Variants in ATL2 observed in about 807,000 individuals in gnomAD.
ATL2 encodes the protein atlastin-2.
ATL2 carries 31 observed loss-of-function variants against 73.9 expected under a neutral mutation model. The ratio of observed to expected loss-of-function variants is 0.42; its 90% CI spans 0.32 to 0.57. The LOEUF is 0.57. ATL2 is among the 20% of genes least tolerant of loss of function. The pLI, the probability that ATL2 is intolerant of heterozygous loss-of-function variation, is 0.14. For synonymous variants in ATL2, 291 were observed against 237.5 expected, an observed-to-expected ratio of 1.23 and a Z score of -2.07; for missense variants, 738 against 702.6, an observed-to-expected ratio of 1.05 and a Z score of -0.57.
At chr2:38,333,471 A>G (rs1031541790) in intron 2 of ATL2, among the ~76,000 whole-genome samples, 1 of 152,204 alleles carries the variant, frequency 6.6e-6, no homozygotes, top group African/African-American at 2.4e-5. Flanking sequence ...AAATGTTCTA[A>G]AACTGGTGGT....
At chr2:38,308,217 T>C (rs1048599272) in intron 9 of ATL2, among the ~76,000 whole-genome samples, 1 of 152,218 alleles carries the variant, frequency 6.6e-6, no homozygotes, top group African/African-American at 2.4e-5. Context: ...TCTATCAATA[T>C]ACGAATGGAT....
intron 5 of ATL2, 130 bp downstream of exon 5, chr2:38,315,154 G>A (rs1667960928): frequency 2.2e-6 from 2 of 927,074 alleles, no homozygotes; most frequent in Non-Finnish European, 2.9e-6. Context: ...GGGAGGCTGA[G>A]GCAGGAGAAT....
At chr2:38,370,677 G>C (rs1052860420) in intron 1 of ATL2, among the ~76,000 whole-genome samples, 11 of 151,962 alleles carry the variant, frequency 7.2e-5, no homozygotes, top group African/African-American at 2.7e-4. Context: ...TGGGGCAGAA[G>C]AATCTCTTGA....
chr2:38,329,423 C>CAAAAAA (rs70954711), intron 2 of ATL2, among the ~76,000 whole-genome samples: 26 of 13,668 alleles, frequency 1.9e-3, no homozygotes, highest in African/African-American at 3.7e-3. Flanking sequence ...ACTCCATCTC[C>CAAAAAA]AAAAAAAAAA....
At chr2:38,321,545 G>C (rs551972489) in intron 2 of ATL2, among the ~76,000 whole-genome samples, 1 of 151,990 alleles carries the variant, frequency 6.6e-6, no homozygotes, top group African/African-American at 2.4e-5. Flanking sequence ...ACTTCATATT[G>C]GTCTCTATGC....
intron 2 of ATL2, among the ~76,000 whole-genome samples, chr2:38,339,115 C>G (rs1405634475): frequency 6.6e-6 from 1 of 152,102 alleles, no homozygotes; most frequent in African/African-American, 2.4e-5. Flanking sequence ...ACTCAGGAGG[C>G]TGAGGCGAGA....
At position 38,332,476 on chromosome 2, in the gene ATL2, G is replaced by A. The variant is rs374796561; in HGVS notation, c.363+10792C>T. Among the ~76,000 whole-genome samples the A allele has an allele frequency of 1.4e-4, 22 of 152,216 alleles. No individual in the cohort carries two copies. In the East Asian group the frequency reaches 4.1e-3, roughly 28 times the overall value. The stretch of plus-strand genomic sequence containing the variant: ...CCACCTCGGCCTCCCAGAGTTCTGG[G>A]ATTACAGGCACGAGCCACCATGCCC... On this transcript the variant is annotated intron_variant, in intron 2 of 12. Transcript: ENST00000378954.
chr2:38,331,251 G>T (rs531732002), intron 2 of ATL2, among the ~76,000 whole-genome samples: 1 of 151,832 alleles, frequency 6.6e-6, no homozygotes, highest in Non-Finnish European at 1.5e-5. Context: ...TGGCCAACTC[G>T]ATGGTAAAAC....
At chr2:38,376,143 GC>G in intron 1 of ATL2, 3 of 1,530,728 alleles carry the variant, frequency 2.0e-6, no homozygotes, top group Middle Eastern at 1.7e-4. Context: ...CTATTTATAA[GC>G]CTTTGAAAAA....
intron 1 of ATL2, among the ~76,000 whole-genome samples, chr2:38,350,983 TTAA>T (rs1472456195): frequency 6.6e-6 from 1 of 152,170 alleles, no homozygotes; most frequent in Non-Finnish European, 1.5e-5. Context: ...AAATGTAGCA[TTAA>T]TGTTAGATTA....
At chr2:38,297,179 T>A (rs907075279) in intron 12 of ATL2, among the ~76,000 whole-genome samples, 4 of 152,264 alleles carry the variant, frequency 2.6e-5, no homozygotes, top group South Asian at 2.1e-4. Flanking sequence ...TAAAATAACA[T>A]CATTACAAGA....
At position 38,339,213 on chromosome 2, in the gene ATL2, T is replaced by C. The variant is rs140560640; in HGVS notation, c.363+4055A>G. Among the ~76,000 whole-genome samples the C allele has an allele frequency of 2.9e-3, 442 of 151,324 alleles. 1 individual carries two copies. The highest frequency in any genetic ancestry group is 4.7e-3 in the Non-Finnish European group (320 of 67,854). ...CCTGGGCAACGAGGGAAACTACGTC[T>C]CAAAAAAAAGTCAAGATCATGAAAA... is the stretch of plus-strand genomic sequence containing the variant. On this transcript the variant is annotated intron_variant, in intron 2 of 12. Transcript: ENST00000378954.
intron 2 of ATL2, among the ~76,000 whole-genome samples, chr2:38,337,435 G>A (rs1055724019): frequency 1.7e-5 from 2 of 120,368 alleles, no homozygotes; most frequent in Non-Finnish European, 3.2e-5. Context: ...GCAGTGAGCT[G>A]AGATCACATC....
chr2:38,313,124 TCTC>T (rs1194618051), intron 7 of ATL2, 24 bp downstream of exon 7: 65 of 1,537,160 alleles, frequency 4.2e-5, no homozygotes, highest in Non-Finnish European at 5.7e-5. Context: ...GTGCTTATGT[TCTC>T]CTCTTTAAGC....
intron 5 of ATL2, among the ~76,000 whole-genome samples, chr2:38,314,899 G>A (rs1380328499): frequency 6.6e-6 from 1 of 152,208 alleles, no homozygotes; most frequent in Non-Finnish European, 1.5e-5. Context: ...GCTTCCAAGT[G>A]TAAATTCATA....
chr2:38,308,160 T>C (rs1667555297), intron 9 of ATL2, among the ~76,000 whole-genome samples: 1 of 152,232 alleles, frequency 6.6e-6, no homozygotes. Context: ...ACTTTCATGT[T>C]TACTGCAGCA....
chr2:38,345,576 T>C (rs1558435091), intron 1 of ATL2, among the ~76,000 whole-genome samples: 1 of 152,174 alleles, frequency 6.6e-6, no homozygotes. Context: ...GCAATCAATA[T>C]TTAGTTAAAG....
intron 6 of ATL2, among the ~76,000 whole-genome samples, chr2:38,313,521 T>C (rs1667866954): frequency 6.6e-6 from 1 of 152,008 alleles, no homozygotes; most frequent in South Asian, 2.1e-4. Context: ...AAATGAAAAA[T>C]GGGTGTATCA....
intron 1 of ATL2, among the ~76,000 whole-genome samples, chr2:38,373,795 G>C (rs1481592301): frequency 6.6e-6 from 1 of 152,138 alleles, no homozygotes; most frequent in Non-Finnish European, 1.5e-5. Context: ...AAACAGAATT[G>C]TTCTACTTCC....
Sources: allele counts gnomAD v4.1 joint callset (sites outside exome capture counted in the v4.1 genomes callset), GRCh38; gene constraint gnomAD v4.1.1; transcripts MANE v1.5; gene names NCBI Gene and HGNC (gene_info 2026-07-23, HGNC 2026-07-21).